Variants in PLEKHA6 observed in about 807,000 individuals in gnomAD.
The protein encoded by PLEKHA6 is pleckstrin homology domain-containing family A member 6.
In PLEKHA6, 60 loss-of-function variants were observed where a neutral mutation model predicts 116.7. That is an observed-to-expected ratio of 0.51 (90% CI 0.42 to 0.64). The LOEUF (loss-of-function observed/expected upper bound fraction) is 0.64, where lower values mean the gene tolerates loss of function less well. Among genes scored for constraint, PLEKHA6 ranks in the 30% least tolerant of loss-of-function variants. The pLI is 0.00. For missense variants in PLEKHA6, 1,338 were observed against 1,422.7 expected, an observed-to-expected ratio of 0.94 and a Z score of 0.96; for synonymous variants, 489 against 556.1, an observed-to-expected ratio of 0.88 and a Z score of 1.70.
intron 1 of PLEKHA6, among the ~76,000 whole-genome samples, chr1:204,281,864 T>G (rs16853219): frequency 0.042 from 6,441 of 152,246 alleles, 185 homozygotes; most frequent in Middle Eastern, 0.075. Context: ...TGCTGCTCCC[T>G]TTCCTGCTTC....
rs983322871 is a variant in PLEKHA6 at position 204,220,350 on chromosome 1, G to A, written c.*2438C>T. On this transcript the variant is annotated 3_prime_UTR_variant, in exon 23 of 23. Coordinates refer to ENST00000272203, the MANE Select transcript of PLEKHA6 (RefSeq NM_014935.5). ...ATAAAATCCTTAGGCCAGGACTTCC[G>A]AGGGAATGCCCTGCCCCCGGCAAGA... is the stretch of plus-strand genomic sequence containing the variant. The A allele has an allele frequency of 2.6e-5, 4 of 152,472 alleles. No individual in the cohort carries two copies. The highest frequency in any genetic ancestry group is 9.6e-5 in the African/African-American group (4 of 41,588). 9.4% of individuals were successfully genotyped at this position (152,472 alleles called of 1,614,324 possible).
At chr1:204,325,703 G>A (rs1487644883) in intron 1 of PLEKHA6, 1 of 153,030 alleles carries the variant, frequency 6.5e-6, no homozygotes, top group African/African-American at 2.4e-5. Flanking sequence ...TTCTAAAGGT[G>A]CTCAGGACCC....
At chr1:204,345,815 C>T (rs1280390702) in intron 1 of PLEKHA6, among the ~76,000 whole-genome samples, 1 of 152,200 alleles carries the variant, frequency 6.6e-6, no homozygotes, top group African/African-American at 2.4e-5. Context: ...TCTGCTGAGT[C>T]ACTTGACCTT....
chr1:204,258,656 C>T (rs902114948), intron 8 of PLEKHA6, among the ~76,000 whole-genome samples: 26 of 152,232 alleles, frequency 1.7e-4, no homozygotes, highest in African/African-American at 6.3e-4. Flanking sequence ...GAGCCTGCAG[C>T]CCATTTGCCC....
chr1:204,292,370 G>A (rs1669855670), intron 1 of PLEKHA6, among the ~76,000 whole-genome samples: 1 of 152,116 alleles, frequency 6.6e-6, no homozygotes, highest in Non-Finnish European at 1.5e-5. Context: ...ATATACCTGA[G>A]GCAAGGCTAA....
intron 1 of PLEKHA6, chr1:204,297,765 A>C: frequency 2.6e-6 from 1 of 378,022 alleles, no homozygotes; most frequent in Non-Finnish European, 3.6e-6. Flanking sequence ...GAAACATCGG[A>C]ACTGAAATTC....
At chr1:204,239,124 A>G (rs1662460969) in intron 17 of PLEKHA6, among the ~76,000 whole-genome samples, 1 of 152,224 alleles carries the variant, frequency 6.6e-6, no homozygotes, top group South Asian at 2.1e-4. Flanking sequence ...CTCAGCAGAG[A>G]AGGATTTTAA....
chr1:204,260,518 A>T (rs1665967890), intron 7 of PLEKHA6, among the ~76,000 whole-genome samples: 1 of 152,224 alleles, frequency 6.6e-6, no homozygotes, highest in Admixed American at 6.5e-5. Flanking sequence ...GAATGAATGA[A>T]CTCTTGGAAT....
chr1:204,233,691 C>T (rs1302928265), intron 17 of PLEKHA6, among the ~76,000 whole-genome samples: 1 of 152,100 alleles, frequency 6.6e-6, no homozygotes. Context: ...TCAAGTGATC[C>T]TCCTGCTTTG....
At chr1:204,290,077 A>T (rs1669593898) in intron 1 of PLEKHA6, among the ~76,000 whole-genome samples, 1 of 152,242 alleles carries the variant, frequency 6.6e-6, no homozygotes, top group Non-Finnish European at 1.5e-5. Flanking sequence ...GTTTTCATGG[A>T]TCAGGAGACT....
chr1:204,271,256 A>G (rs1413594438), intron 3 of PLEKHA6, among the ~76,000 whole-genome samples: 3 of 152,286 alleles, frequency 2.0e-5, no homozygotes, highest in East Asian at 1.9e-4. Context: ...ACCTGTCACA[A>G]TGCAGCTTTC....
At chr1:204,245,770 G>T in intron 13 of PLEKHA6, 44 bp from the exon 14 acceptor site, 1 of 1,389,014 alleles carries the variant, frequency 7.2e-7, no homozygotes, top group Non-Finnish European at 1.0e-6. Flanking sequence ...GCCATGAGGA[G>T]TGTCCAGCCC....
intron 5 of PLEKHA6, among the ~76,000 whole-genome samples, chr1:204,267,222 C>G (rs929612206): frequency 2.6e-5 from 4 of 152,198 alleles, no homozygotes; most frequent in African/African-American, 7.2e-5. Flanking sequence ...CCTTGTTCAC[C>G]CAGTGTATCG....
intron 1 of PLEKHA6, among the ~76,000 whole-genome samples, chr1:204,301,923 A>G (rs1670863507): frequency 6.6e-6 from 1 of 152,194 alleles, no homozygotes; most frequent in South Asian, 2.1e-4. Context: ...CAGTCGTCCA[A>G]GTGGACTTCT....
chr1:204,254,352 G>C (rs1326541585), intron 9 of PLEKHA6, among the ~76,000 whole-genome samples: 1 of 152,156 alleles, frequency 6.6e-6, no homozygotes, highest in African/African-American at 2.4e-5. Flanking sequence ...TTACAAAATC[G>C]AATTGCGACA....
chr1:204,301,229 A>T, intron 1 of PLEKHA6: 1 of 984,596 alleles, frequency 1.0e-6, no homozygotes, highest in Non-Finnish European at 1.2e-6. Context: ...GTTTCAGCAG[A>T]GTCACCAGAG....
chr1:204,357,714 T>TCGGAGAACCAATTGGCTG lies in PLEKHA6; in HGVS notation c.-95+1979_-95+1980insCAGCCAATTGGTTCTCCG, dbSNP rs370759561. Among the ~76,000 whole-genome samples, 363 of 152,318 alleles carry TCGGAGAACCAATTGGCTG rather than the reference T, an allele frequency of 2.4e-3. 1 individual carries two copies. Among genetic ancestry groups the TCGGAGAACCAATTGGCTG allele is most frequent in the African/African-American group, 8.0e-3 (333 of 41,578 alleles). On this transcript the variant is annotated intron_variant, in intron 1 of 22. Coordinates refer to ENST00000272203, the MANE Select transcript of PLEKHA6 (RefSeq NM_014935.5). ...TGAGGAAGACGATGAGGAAATTGGCTCGGAGAACGGAACCGCAGCCTGTTC... is the reference window on the plus strand; with the variant it reads ...TGAGGAAGACGATGAGGAAATTGGCTCGGAGAACCAATTGGCTGCGGAGAACGGAACCGCAGCCTGTTC...
At chr1:204,293,325 C>T (rs966329503) in intron 1 of PLEKHA6, among the ~76,000 whole-genome samples, 8 of 152,094 alleles carry the variant, frequency 5.3e-5, no homozygotes, top group East Asian at 1.9e-4. Flanking sequence ...AGTAGAGATA[C>T]GGTTTCACCA....
intron 15 of PLEKHA6, 89 bp downstream of exon 15, chr1:204,244,775 G>C: frequency 9.8e-7 from 1 of 1,024,340 alleles, no homozygotes. Flanking sequence ...CTGTGGGGAA[G>C]AGATGGGCAC....
Sources: allele counts gnomAD v4.1 joint callset (sites outside exome capture counted in the v4.1 genomes callset), GRCh38; gene constraint gnomAD v4.1.1; transcripts MANE v1.5; gene names NCBI Gene and HGNC (gene_info 2026-07-23, HGNC 2026-07-21).